SCYL3: variants seen among roughly 807,000 people sequenced by gnomAD.
SCYL3 encodes the protein SCY1 like pseudokinase 3, also known as protein-associating with the carboxyl-terminal domain of ezrin.
SCYL3 carries 35 observed loss-of-function variants against 73.8 expected under a neutral mutation model. The observed-to-expected ratio is 0.47, with a 90% CI of 0.36 to 0.63. The LOEUF is 0.63. SCYL3 is among the 20% of genes least tolerant of loss of function. The pLI is 0.00. For missense variants in SCYL3, 712 were observed against 798.9 expected (o/e 0.89, Z 1.31); for synonymous variants, 277 against 295.2 (o/e 0.94, Z 0.63).
rs12131444 is a variant in SCYL3, at chr1:169,850,529, G to A, written c.*3184C>T. On this transcript the variant is annotated 3_prime_UTR_variant, in exon 13 of 13. Coordinates refer to ENST00000367771, the MANE Select transcript of SCYL3 (RefSeq NM_020423.7). Reference sequence around the variant, plus strand: ...TAAAACACTTGGGGCCAGGCGCGGCGGCTCATGCCTGTAATCCCAGCACTT... The same window carrying A: ...TAAAACACTTGGGGCCAGGCGCGGCAGCTCATGCCTGTAATCCCAGCACTT... 39,430 of 507,022 alleles carry A rather than the reference G, an allele frequency of 0.078. 1,893 individuals carry two copies. The highest frequency in any genetic ancestry group is 0.099 in the Middle Eastern group (197 of 1,980). The allele number at this position is 507,022 out of a possible 1,614,324, so 31.4% of individuals were successfully genotyped here.
chr1:169,872,266 A>G (rs116739585), intron 5 of SCYL3, among the ~76,000 whole-genome samples: 201 of 152,372 alleles, frequency 1.3e-3, no homozygotes, highest in African/African-American at 4.6e-3. Flanking sequence ...GGGCCAACGT[A>G]GAGCTCAGCA....
intron 2 of SCYL3, among the ~76,000 whole-genome samples, chr1:169,882,774 C>T (rs1378480842): frequency 6.6e-6 from 1 of 152,096 alleles, no homozygotes; most frequent in Non-Finnish European, 1.5e-5. Context: ...TGTCCACACT[C>T]TGTATCTAGC....
chr1:169,869,076 C>T (rs2102167536), intron 6 of SCYL3, 37 bp from the exon 7 acceptor site: 1 of 1,545,702 alleles, frequency 6.5e-7, no homozygotes, highest in Non-Finnish European at 8.9e-7. Context: ...CCAATGCCTT[C>T]TCCCTCTTTT....
At chr1:169,858,078 G>A (rs1347670864) in intron 11 of SCYL3, among the ~76,000 whole-genome samples, 1 of 151,966 alleles carries the variant, frequency 6.6e-6, no homozygotes, top group Non-Finnish European at 1.5e-5. Flanking sequence ...CTACACTTAG[G>A]CTACACTAAG....
intron 10 of SCYL3, among the ~76,000 whole-genome samples, chr1:169,861,742 T>C (rs768331591): frequency 9.9e-5 from 15 of 152,246 alleles, no homozygotes; most frequent in Non-Finnish European, 1.6e-4. Flanking sequence ...CACCATGTGA[T>C]TGTAGTCTTT....
intron 8 of SCYL3, among the ~76,000 whole-genome samples, chr1:169,865,424 C>A (rs989775889): frequency 6.6e-6 from 1 of 152,168 alleles, no homozygotes; most frequent in Non-Finnish European, 1.5e-5. Flanking sequence ...TATTAAGGAT[C>A]CGAGGGCCTC....
chr1:169,890,623 T>C lies in SCYL3; in HGVS notation c.-50-1733A>G, dbSNP rs187435275. Among the ~76,000 whole-genome samples the C allele has an allele frequency of 1.4e-4, 21 of 152,352 alleles. No homozygotes were observed. The East Asian group carries it at 1.7e-3, about 13-fold the overall frequency. On this transcript the variant is annotated intron_variant, in intron 1 of 12. Coordinates refer to ENST00000367771, the MANE Select transcript of SCYL3 (RefSeq NM_020423.7). ...GTGCCTACCGATCCACAACCATCGT[T>C]ATATAAGAAACACATGTATAAAGGC...
rs773437719 is a variant in SCYL3 at position 169,864,481 on chromosome 1, C to A, written c.843G>T (p.Leu281Phe). 5 of 1,608,998 alleles carry A rather than the reference C, an allele frequency of 3.1e-6. No individual in the cohort carries two copies. The highest frequency in any genetic ancestry group is 1.1e-5 in the South Asian group (1 of 89,842). The change falls in exon 9 of 13, where the codon TTG (leucine) becomes TTT (phenylalanine). Residue 281 changes from leucine (L) to phenylalanine (F), a missense_variant. Coordinates refer to ENST00000367771, the MANE Select transcript of SCYL3 (RefSeq NM_020423.7). ...ACCTTGAAGCTATCAATTCCTCTGACAAGCAGCTGACTCTGTCCAGCAGAA... is the reference window on the plus strand; with the variant it reads ...ACCTTGAAGCTATCAATTCCTCTGAAAAGCAGCTGACTCTGTCCAGCAGAA... ...FKFLLDRVSC[L>F]SEELIASRLV...
intron 4 of SCYL3, among the ~76,000 whole-genome samples, chr1:169,873,993 G>C (rs1338825569): frequency 2.0e-5 from 3 of 152,074 alleles, no homozygotes; most frequent in Non-Finnish European, 4.4e-5. Context: ...CCTTCATCTG[G>C]TTTAACAGAC....
At chr1:169,879,999 G>T (rs1175043863) in intron 2 of SCYL3, among the ~76,000 whole-genome samples, 25 of 152,216 alleles carry the variant, frequency 1.6e-4, no homozygotes, top group African/African-American at 5.3e-4. Flanking sequence ...CAGGTTTGGG[G>T]ACTCACACCT....
chr1:169,853,716 C>T lies in SCYL3; in HGVS notation c.2064G>A (p.Trp688Ter), dbSNP rs186621475. ...EGELNWEDNN[W>*] is the part of the protein sequence containing the mutation. ...AAAGTTTAACTCACATCTATTGTCA[C>T]CAGTTATTATCTTCCCAGTTCAGCT... The change falls in exon 13 of 13, where the codon TGG becomes TGA. Residue 688 changes from tryptophan to a stop codon, truncating the protein, a stop_gained. Transcript: ENST00000367771. LOFTEE classifies it high-confidence loss of function. 1.4e-5 allele frequency: 22 copies of T among 1,613,400 alleles called. No individual in the cohort carries two copies. Among genetic ancestry groups the T allele is most frequent in the Non-Finnish European group, 1.8e-5 (21 of 1,179,722 alleles).
At chr1:169,854,126 A>ATGAT (rs370233155) in intron 12 of SCYL3, 144 bp downstream of exon 12, 51,991 of 652,050 alleles carry the variant, frequency 0.08, 2,471 homozygotes, top group Middle Eastern at 0.096. Flanking sequence ...ATAGATACCA[A>ATGAT]TGATAGAAAC....
intron 3 of SCYL3, among the ~76,000 whole-genome samples, chr1:169,876,607 T>A (rs1050488284): frequency 6.6e-6 from 1 of 151,960 alleles, no homozygotes; most frequent in Admixed American, 6.6e-5. Flanking sequence ...TAGTAGGCAT[T>A]AAAAAAATTC....
In SCYL3 at chr1:169,853,757, A is replaced by G. The variant is rs943221203; in HGVS notation, c.2023T>C (p.Trp675Arg). Residue 675 changes from tryptophan to arginine, a missense_variant, in exon 13 of 13, where the codon TGG (tryptophan) becomes CGG (arginine). Coordinates refer to ENST00000367771, the MANE Select transcript of SCYL3 (RefSeq NM_020423.7). ...AEITEGEAEG[W>R]EEEGELNWED... Reference sequence around the variant, plus strand: ...CAGTTCAGCTCCCCTTCTTCTTCCCAGCCTTCAGCCTCTCCCTGCAACAAA... The same window carrying G: ...CAGTTCAGCTCCCCTTCTTCTTCCCGGCCTTCAGCCTCTCCCTGCAACAAA... 8 of 1,613,964 alleles carry G rather than the reference A, an allele frequency of 5.0e-6. No homozygotes were observed. The highest frequency in any genetic ancestry group is 6.8e-6 in the Non-Finnish European group (8 of 1,179,924).
chr1:169,850,173 T>G lies in SCYL3; in HGVS notation c.*3540A>C, dbSNP rs1657932384. On this transcript the variant is annotated 3_prime_UTR_variant, in exon 13 of 13. Coordinates refer to ENST00000367771, the MANE Select transcript of SCYL3 (RefSeq NM_020423.7). ...CTCTGGGACTCTTACTTAAAATGAATTTTTGGTTAAGGTAGCTCATAAAAC... is the reference window on the plus strand; with the variant it reads ...CTCTGGGACTCTTACTTAAAATGAAGTTTTGGTTAAGGTAGCTCATAAAAC... 1.3e-6 allele frequency: 1 copy of G among 748,724 alleles called. No individual in the cohort carries two copies. Among genetic ancestry groups the G allele is most frequent in the Admixed American group, 2.5e-5 (1 of 39,842 alleles). The allele number at this position is 748,724 out of a possible 1,614,324, so 46.4% of individuals were successfully genotyped here. A position where few individuals can be genotyped will look rare whatever the true frequency, so the allele number is the denominator to read the frequency against.
In SCYL3 at chr1:169,853,541, C is replaced by T. The variant is rs888957240; in HGVS notation, c.*172G>A. 3.0e-6 allele frequency: 2 copies of T among 662,534 alleles called. No homozygotes were observed. Among genetic ancestry groups the T allele is most frequent in the Admixed American group, 5.4e-5 (2 of 36,780 alleles). The allele number at this position is 662,534 out of a possible 1,614,324, so 41.0% of individuals were successfully genotyped here. On this transcript the variant is annotated 3_prime_UTR_variant, in exon 13 of 13. Transcript: ENST00000367771. ...AGCCTCACCACCCAGGGCTTTTAGC[C>T]AGCACTCACAGTCAGTCTCCTACTT...
chr1:169,857,792 C>T (rs959360242), intron 11 of SCYL3, among the ~76,000 whole-genome samples: 8 of 152,236 alleles, frequency 5.3e-5, no homozygotes, highest in African/African-American at 1.4e-4. Flanking sequence ...GCATCTTAGA[C>T]GATTTTGTCC....
At chr1:169,877,605 A>C (rs1488940497) in intron 3 of SCYL3, among the ~76,000 whole-genome samples, 1 of 152,250 alleles carries the variant, frequency 6.6e-6, no homozygotes, top group South Asian at 2.1e-4. Context: ...AAAGAGAAGA[A>C]GTATACACAC....
intron 3 of SCYL3, among the ~76,000 whole-genome samples, chr1:169,876,940 G>C (rs1167562544): frequency 1.8e-5 from 2 of 111,990 alleles, no homozygotes; most frequent in African/African-American, 7.0e-5. Context: ...AGGCGACAGA[G>C]TGAGACCTTG....
Sources: gnomAD v4.1 joint callset for allele counts (sites outside exome capture counted in the v4.1 genomes callset) on GRCh38, gnomAD v4.1.1 for gene constraint, MANE v1.5 for transcripts, NCBI Gene and HGNC (gene_info 2026-07-23, HGNC 2026-07-21) for gene names.